STIM2: variants seen among roughly 807,000 people sequenced by gnomAD.
STIM2 encodes stromal interaction molecule 2.
In STIM2, 31 loss-of-function variants were observed where a neutral mutation model predicts 85.8. The ratio of observed to expected loss-of-function variants is 0.36; its 90% CI spans 0.27 to 0.49. The LOEUF is 0.49. Ranked by LOEUF, STIM2 falls within the 20% of genes least tolerant of loss-of-function variation. STIM2 has a pLI of 0.98. For synonymous variants in STIM2, 356 were observed against 331.1 expected, an observed-to-expected ratio of 1.08 and a Z score of -0.82; for missense variants, 841 against 927.6, an observed-to-expected ratio of 0.91 and a Z score of 1.21.
At chr4:26,867,934 T>C (rs1722465706) in intron 1 of STIM2, among the ~76,000 whole-genome samples, 1 of 152,186 alleles carries the variant, frequency 6.6e-6, no homozygotes, top group South Asian at 2.1e-4. Flanking sequence ...ACTAGGAAAG[T>C]TCTAAATTGG....
At chr4:27,014,530 C>G (rs1728672605) in intron 10 of STIM2, among the ~76,000 whole-genome samples, 1 of 150,998 alleles carries the variant, frequency 6.6e-6, no homozygotes, top group East Asian at 1.9e-4. Flanking sequence ...TTGATTTCTA[C>G]TTGTGCGTGA....
At chr4:26,965,522 G>A (rs1182526898) in intron 3 of STIM2, among the ~76,000 whole-genome samples, 2 of 152,036 alleles carry the variant, frequency 1.3e-5, no homozygotes, top group African/African-American at 4.8e-5. Context: ...CTCACAGTAA[G>A]TTGCTGATTG....
At chr4:26,941,411 T>C (rs777332389) in intron 2 of STIM2, among the ~76,000 whole-genome samples, 10 of 152,146 alleles carry the variant, frequency 6.6e-5, no homozygotes, top group Non-Finnish European at 1.3e-4. Context: ...TTCCATCCCT[T>C]ATCCAGTTCA....
chr4:26,911,215 C>G lies in STIM2; in HGVS notation c.152-8289C>G, dbSNP rs551591918. Among the ~76,000 whole-genome samples the G allele has an allele frequency of 4.8e-4, 71 of 148,726 alleles. 1 individual carries two copies. The highest frequency in any genetic ancestry group is 1.7e-3 in the African/African-American group (70 of 40,250). On this transcript the variant is annotated intron_variant, in intron 1 of 11. Coordinates refer to ENST00000467087, the MANE Select transcript of STIM2 (RefSeq NM_020860.4). ...TCATGCCACTGCACTCTAGCCTGGG[C>G]GACAGTGTGTCTCAAAAAATAAATA...
chr4:26,939,012 A>G (rs894822636), intron 2 of STIM2, among the ~76,000 whole-genome samples: 1 of 152,014 alleles, frequency 6.6e-6, no homozygotes, highest in Admixed American at 6.5e-5. Context: ...GGTTTCTGTT[A>G]ATATTGGATG....
rs147859878 is a variant in STIM2 at position 27,013,161 on chromosome 4, C to G, written c.1489+4159C>G. Among the ~76,000 whole-genome samples the G allele has an allele frequency of 1.3e-3, 202 of 150,734 alleles. 1 individual carries two copies. Among genetic ancestry groups the G allele is most frequent in the Middle Eastern group, 3.4e-3 (1 of 294 alleles). On this transcript the variant is annotated intron_variant, in intron 10 of 11. Coordinates refer to ENST00000467087, the MANE Select transcript of STIM2 (RefSeq NM_020860.4). ...AAATGAAAGAGTAGTCCCCCTCTGC[C>G]CATATATGTGGTTTTGCTTTTCATG... is the stretch of plus-strand genomic sequence containing the variant.
At chr4:26,933,190 CAAAA>C (rs1161592168) in intron 2 of STIM2, among the ~76,000 whole-genome samples, 5 of 92,370 alleles carry the variant, frequency 5.4e-5, no homozygotes, top group Admixed American at 2.4e-4. Context: ...ATTGAGAGCT[CAAAA>C]AAAAAAAAAA....
chr4:27,008,672 A>T, intron 9 of STIM2, 92 bp from the exon 10 acceptor site: 1 of 1,259,620 alleles, frequency 7.9e-7, no homozygotes, highest in Non-Finnish European at 1.1e-6. Context: ...GAAATTAGTT[A>T]ATTGCCATGG....
intron 3 of STIM2, among the ~76,000 whole-genome samples, chr4:26,983,763 C>G (rs1011685854): frequency 6.6e-6 from 1 of 152,186 alleles, no homozygotes; most frequent in Non-Finnish European, 1.5e-5. Flanking sequence ...TGAACTCCCT[C>G]TAAAAGTTAA....
chr4:26,869,864 T>C (rs1722547227), intron 1 of STIM2, among the ~76,000 whole-genome samples: 1 of 151,486 alleles, frequency 6.6e-6, no homozygotes, highest in Non-Finnish European at 1.5e-5. Context: ...GCTATGTTCT[T>C]TTCAGCATTT....
chr4:26,866,037 A>G lies in STIM2; in HGVS notation c.151+4668A>G, dbSNP rs577207143. Among the ~76,000 whole-genome samples, 7 of 151,952 alleles carry G rather than the reference A, an allele frequency of 4.6e-5. No homozygotes were observed. The South Asian group carries it at 1.5e-3, about 31-fold the overall frequency. The stretch of plus-strand genomic sequence containing the variant: ...TTATTTTAGATTCATTTTAGATTCC[A>G]ACTTTTATTTTAGATTCATATGCAG... On this transcript the variant is annotated intron_variant, in intron 1 of 11. Coordinates refer to ENST00000467087, the MANE Select transcript of STIM2 (RefSeq NM_020860.4).
intron 1 of STIM2, among the ~76,000 whole-genome samples, chr4:26,872,971 G>C (rs972396985): frequency 6.6e-6 from 1 of 152,182 alleles, no homozygotes; most frequent in Non-Finnish European, 1.5e-5. Flanking sequence ...GGAATTATTT[G>C]AAGAAATGAA....
At chr4:26,967,940 T>C (rs1220689694) in intron 3 of STIM2, among the ~76,000 whole-genome samples, 3 of 152,040 alleles carry the variant, frequency 2.0e-5, no homozygotes, top group Non-Finnish European at 4.4e-5. Flanking sequence ...ATAAAATCAT[T>C]ATTAACAGGC....
intron 1 of STIM2, among the ~76,000 whole-genome samples, chr4:26,889,681 G>T (rs1723391482): frequency 6.6e-6 from 1 of 152,142 alleles, no homozygotes; most frequent in African/African-American, 2.4e-5. Flanking sequence ...CCTGTAGCCA[G>T]GTCGGCCTTG....
At chr4:26,995,573 T>G in intron 4 of STIM2, 83 bp downstream of exon 4, 1 of 727,230 alleles carries the variant, frequency 1.4e-6, no homozygotes, top group South Asian at 3.2e-5. Context: ...AATCTACAAG[T>G]TACTTCCGTG....
chr4:26,995,354 T>C (rs775022144), intron 3 of STIM2, 25 bp from the exon 4 acceptor site: 2 of 1,304,292 alleles, frequency 1.5e-6, no homozygotes, highest in Non-Finnish European at 2.1e-6. Context: ...GTTTAAAATA[T>C]GCATTCCCCT....
intron 6 of STIM2, 49 bp from the exon 7 acceptor site, chr4:27,002,874 AAAAT>A (rs919160559): frequency 2.1e-6 from 3 of 1,432,038 alleles, no homozygotes; most frequent in African/African-American, 3.0e-5. Context: ...TTTGTAAAAA[AAAAT>A]AAAACTGGAA....
chr4:26,877,521 T>G (rs1185475346), intron 1 of STIM2, among the ~76,000 whole-genome samples: 2 of 152,196 alleles, frequency 1.3e-5, no homozygotes, highest in Non-Finnish European at 2.9e-5. Context: ...GGGTTGTTTT[T>G]TTTTTTTTCC....
At chr4:26,873,581 A>C in intron 1 of STIM2, 1 of 455,318 alleles carries the variant, frequency 2.2e-6, no homozygotes, top group South Asian at 2.0e-5. Flanking sequence ...GCACAGACAT[A>C]CTGGGTGTGA....
Sources: gnomAD v4.1 joint callset for allele counts (sites outside exome capture counted in the v4.1 genomes callset) on GRCh38, gnomAD v4.1.1 for gene constraint, MANE v1.5 for transcripts, NCBI Gene and HGNC (gene_info 2026-07-23, HGNC 2026-07-21) for gene names.